The following PAK1IP1 variants were observed in gnomAD, a reference collection of about 807,000 sequenced individuals.
The protein encoded by PAK1IP1 is p21-activated protein kinase-interacting protein 1.
PAK1IP1 carries 24 observed loss-of-function variants against 42.0 expected under a neutral mutation model. That is an observed-to-expected ratio of 0.57 (90% CI 0.41 to 0.80). The LOEUF (loss-of-function observed/expected upper bound fraction) is 0.80. PAK1IP1 is among the 30% of genes least tolerant of loss of function. The pLI is 0.00. For synonymous variants in PAK1IP1, 154 were observed against 156.7 expected (o/e 0.98, Z 0.13); for missense variants, 411 against 467.9 (o/e 0.88, Z 1.12).
Position 10,709,565 on chromosome 6 carries a change from AT to A in PAK1IP1, c.*114del. The A allele has an allele frequency of 1.8e-6, 1 of 558,062 alleles. No homozygotes were observed. The highest frequency in any genetic ancestry group is 2.8e-6 in the Non-Finnish European group (1 of 353,258). The allele number at this position is 558,062 out of a possible 1,614,324, so 34.6% of individuals were successfully genotyped here. Reference sequence around the variant, plus strand: ...CAAGAAATTTCTTCCTTTGGAAAAAATATATATATTAAAAAACCACTTTTAG... The same window carrying A: ...CAAGAAATTTCTTCCTTTGGAAAAAAATATATATTAAAAAACCACTTTTAG... On this transcript the variant is annotated 3_prime_UTR_variant, in exon 10 of 10. Coordinates refer to ENST00000379568, the MANE Select transcript of PAK1IP1 (RefSeq NM_017906.3).
intron 2 of PAK1IP1, among the ~76,000 whole-genome samples, 159 bp from the exon 3 acceptor site, chr6:10,702,210 A>G (rs1004404888): frequency 1.1e-4 from 16 of 151,916 alleles, no homozygotes; most frequent in Non-Finnish European, 2.4e-4. Context: ...ATAGCACTTC[A>G]GCCTGGGTAA....
upstream of PAK1IP1, among the ~76,000 whole-genome samples, chr6:10,694,223 G>C (rs1332292637): frequency 6.8e-6 from 1 of 146,940 alleles, no homozygotes; most frequent in Non-Finnish European, 1.5e-5. Flanking sequence ...TCGCGCCACC[G>C]GACTCCAGCC....
chr6:10,693,889 G>A (rs1173997729), upstream of PAK1IP1, among the ~76,000 whole-genome samples: 1 of 152,094 alleles, frequency 6.6e-6, no homozygotes, highest in East Asian at 1.9e-4. Flanking sequence ...TCGCCATGCT[G>A]GGCTAATTTA....
upstream of PAK1IP1, among the ~76,000 whole-genome samples, chr6:10,692,213 T>A (rs878958299): frequency 6.6e-6 from 1 of 152,092 alleles, no homozygotes; most frequent in Admixed American, 6.6e-5. Flanking sequence ...TAAACAGATA[T>A]GTTGTGGAGT....
upstream of PAK1IP1, among the ~76,000 whole-genome samples, chr6:10,692,002 T>A (rs766094840): frequency 2.0e-5 from 3 of 152,202 alleles, no homozygotes; most frequent in Non-Finnish European, 4.4e-5. Flanking sequence ...AATCACCTTT[T>A]TATGGTGATA....
At chr6:10,699,200 C>CA (rs796680429) in intron 2 of PAK1IP1, among the ~76,000 whole-genome samples, 2,084 of 53,978 alleles carry the variant, frequency 0.039, 50 homozygotes, top group African/African-American at 0.056. Context: ...GACTCTGTCT[C>CA]AAAAAAAAAA....
At chr6:10,701,740 T>G (rs1770033941) in intron 2 of PAK1IP1, among the ~76,000 whole-genome samples, 1 of 152,224 alleles carries the variant, frequency 6.6e-6, no homozygotes, top group East Asian at 1.9e-4. Context: ...GATTAGCTTG[T>G]TAGCTGATTA....
intron 2 of PAK1IP1, among the ~76,000 whole-genome samples, chr6:10,699,017 G>A (rs528687472): frequency 1.3e-5 from 2 of 152,164 alleles, no homozygotes; most frequent in African/African-American, 4.8e-5. Context: ...TGGCTAACAA[G>A]GAGAAACCCC....
intron 2 of PAK1IP1, among the ~76,000 whole-genome samples, chr6:10,699,283 G>A (rs1455295215): frequency 6.6e-6 from 1 of 152,070 alleles, no homozygotes; most frequent in African/African-American, 2.4e-5. Context: ...ACAAAAGCAG[G>A]TGGAGTGTGA....
chr6:10,704,408 T>G lies in PAK1IP1; in HGVS notation c.497-99T>G, dbSNP rs573544034. On this transcript the variant is annotated intron_variant, in intron 5 of 9. Transcript: ENST00000379568. Reference sequence around the variant, plus strand: ...TACGAAGATGAAATAGGATAATGAATTTGAAAATGCACAGTATAAATATTT... The same window carrying G: ...TACGAAGATGAAATAGGATAATGAAGTTGAAAATGCACAGTATAAATATTT... 1.3e-4 allele frequency: 87 copies of G among 688,866 alleles called. No individual in the cohort carries two copies. The South Asian group carries it at 1.9e-3, about 15-fold the overall frequency. 42.7% of individuals were successfully genotyped at this position (688,866 alleles called of 1,614,324 possible).
At chr6:10,701,513 T>A (rs142150318) in intron 2 of PAK1IP1, among the ~76,000 whole-genome samples, 142 of 152,316 alleles carry the variant, frequency 9.3e-4, no homozygotes, top group African/African-American at 3.2e-3. Flanking sequence ...TGCTAATAGA[T>A]AAGCTTTTTT....
chr6:10,702,285 C>A, intron 2 of PAK1IP1, 84 bp from the exon 3 acceptor site: 7 of 1,084,656 alleles, frequency 6.5e-6, no homozygotes, highest in Non-Finnish European at 8.2e-6. Flanking sequence ...GAGTGTTTTA[C>A]TTAGCATAGC....
At chr6:10,701,402 T>C (rs9467276) in intron 2 of PAK1IP1, among the ~76,000 whole-genome samples, 5,556 of 152,252 alleles carry the variant, frequency 0.036, 321 homozygotes, top group African/African-American at 0.12. Context: ...CTTCCTGCAT[T>C]AGTTTGCTGG....
At chr6:10,700,595 A>G (rs1431970355) in intron 2 of PAK1IP1, among the ~76,000 whole-genome samples, 2 of 152,146 alleles carry the variant, frequency 1.3e-5, no homozygotes, top group Non-Finnish European at 2.9e-5. Context: ...TCAAATATAC[A>G]TTCTTTTTTT....
intron 1 of PAK1IP1, 113 bp from the exon 2 acceptor site, chr6:10,697,211 T>A (rs1224797911): frequency 1.2e-6 from 1 of 857,070 alleles, no homozygotes; most frequent in African/African-American, 1.7e-5. Context: ...GTGGAATGAT[T>A]TATCTTTTCA....
At chr6:10,708,683 C>T (rs1247101451) in intron 8 of PAK1IP1, among the ~76,000 whole-genome samples, 1 of 151,716 alleles carries the variant, frequency 6.6e-6, no homozygotes, top group African/African-American at 2.4e-5. Flanking sequence ...CCTCCCCCTG[C>T]CCCCCACCCC....
upstream of PAK1IP1, among the ~76,000 whole-genome samples, chr6:10,691,021 G>A (rs974672509): frequency 3.3e-5 from 5 of 152,194 alleles, no homozygotes; most frequent in Admixed American, 3.3e-4. Flanking sequence ...CTCTGTTAAA[G>A]AGAATGTTCA....
chr6:10,705,604 T>G (rs2127481294), intron 7 of PAK1IP1, among the ~76,000 whole-genome samples: 1 of 152,306 alleles, frequency 6.6e-6, no homozygotes, highest in African/African-American at 2.4e-5. Flanking sequence ...CTTTTAATGC[T>G]TTCTCTATTT....
intron 7 of PAK1IP1, among the ~76,000 whole-genome samples, chr6:10,705,594 C>CT (rs1455789452): frequency 1.3e-5 from 2 of 151,976 alleles, no homozygotes; most frequent in African/African-American, 4.8e-5. Context: ...CTTTTATTAC[C>CT]TTTTAATGCT....
Sources: allele counts gnomAD v4.1 joint callset (sites outside exome capture counted in the v4.1 genomes callset), GRCh38; gene constraint gnomAD v4.1.1; transcripts MANE v1.5; gene names NCBI Gene and HGNC (gene_info 2026-07-23, HGNC 2026-07-21).